Variants in WAC observed in about 807,000 individuals in gnomAD.
The protein encoded by WAC is WW domain-containing adapter protein with coiled-coil.
Under a neutral mutation model 79.6 loss-of-function variants are expected in WAC, and 11 were observed. The observed-to-expected ratio is 0.14, with a 90% CI of 0.09 to 0.23. The LOEUF (loss-of-function observed/expected upper bound fraction) is 0.23, where lower values mean the gene tolerates loss of function less well. Ranked by LOEUF, WAC falls within the 10% of genes least tolerant of loss-of-function variation. WAC has a pLI of 1.00. For missense variants in WAC, 728 were observed against 773.5 expected, an observed-to-expected ratio of 0.94 and a Z score of 0.70; for synonymous variants, 304 against 276.9, an observed-to-expected ratio of 1.10 and a Z score of -0.97.
At chr10:28,584,489 G>A (rs1347715181) in intron 4 of WAC, among the ~76,000 whole-genome samples, 1 of 152,162 alleles carries the variant, frequency 6.6e-6, no homozygotes, top group Admixed American at 6.5e-5. Context: ...ATATAAGGCA[G>A]TGGAGAGGTA....
intron 7 of WAC, among the ~76,000 whole-genome samples, chr10:28,603,975 A>G (rs1169628496): frequency 1.0e-5 from 1 of 95,476 alleles, no homozygotes; most frequent in African/African-American, 4.7e-5. Context: ...ATATATATAT[A>G]TATATATATA....
At chr10:28,584,973 C>CAGG (rs1324031386) in intron 4 of WAC, among the ~76,000 whole-genome samples, 1 of 152,030 alleles carries the variant, frequency 6.6e-6, no homozygotes, top group Non-Finnish European at 1.5e-5. Flanking sequence ...GAGGCTGAGG[C>CAGG]AGGAGAATTA....
chr10:28,608,698 G>A (rs1841079041), intron 8 of WAC: 1 of 394,978 alleles, frequency 2.5e-6, no homozygotes. Context: ...CTGGAGGTAA[G>A]CCATTCTATA....
At chr10:28,604,425 A>G (rs777092369) in intron 7 of WAC, among the ~76,000 whole-genome samples, 1 of 151,930 alleles carries the variant, frequency 6.6e-6, no homozygotes, top group Non-Finnish European at 1.5e-5. Flanking sequence ...GTTTTCTACA[A>G]GGGCTACAGA....
In WAC at chr10:28,614,699, G is replaced by T. The variant is rs1328977555; in HGVS notation, c.1556+14G>T. On this transcript the variant is annotated intron_variant, in intron 11 of 13. Coordinates refer to ENST00000354911, the MANE Select transcript of WAC (RefSeq NM_016628.5). ...TCAGCGCTCAAGGTAGGTTGATATT[G>T]TATATTGAGACCACATTGTTTTATT... 6.3e-7 allele frequency: 1 copy of T among 1,579,824 alleles called. No individual in the cohort carries two copies.
intron 3 of WAC, among the ~76,000 whole-genome samples, chr10:28,557,328 A>G (rs570759861): frequency 1.1e-3 from 169 of 152,340 alleles, no homozygotes; most frequent in Middle Eastern, 6.8e-3. Flanking sequence ...AACTGTCAAT[A>G]TTATACAGTG....
chr10:28,595,420 ATTT>A (rs34089783), intron 6 of WAC, among the ~76,000 whole-genome samples: 20 of 149,150 alleles, frequency 1.3e-4, no homozygotes, highest in Non-Finnish European at 2.4e-4. Context: ...CCATATGTTG[ATTT>A]TTTTTTTTTG....
intron 3 of WAC, among the ~76,000 whole-genome samples, chr10:28,564,749 G>A (rs1838502007): frequency 6.6e-6 from 1 of 152,188 alleles, no homozygotes; most frequent in Admixed American, 6.5e-5. Context: ...CATCCAGTTT[G>A]CCACAATGGC....
intron 3 of WAC, among the ~76,000 whole-genome samples, chr10:28,548,724 A>G (rs746531299): frequency 1.8e-4 from 27 of 152,168 alleles, no homozygotes; most frequent in African/African-American, 6.5e-4. Flanking sequence ...ATAGTTGTCT[A>G]TTCATGTTTG....
chr10:28,588,746 A>G (rs1263373975), intron 4 of WAC: 4 of 152,120 alleles, frequency 2.6e-5, no homozygotes, highest in Non-Finnish European at 4.4e-5. Context: ...ATTTTTCTAA[A>G]TTGACAATTC....
chr10:28,579,174 A>AT (rs5784074), intron 3 of WAC, among the ~76,000 whole-genome samples: 5,709 of 143,832 alleles, frequency 0.04, 146 homozygotes, highest in East Asian at 0.15. Context: ...GGGTAGATGA[A>AT]TTTTTTTTTT....
chr10:28,533,880 C>T (rs1836444681), intron 1 of WAC, 118 bp from the exon 2 acceptor site: 4 of 1,307,556 alleles, frequency 3.1e-6, no homozygotes, highest in Admixed American at 4.0e-5. Context: ...CGGGGCTCGG[C>T]GCTGGGGCGC....
intron 3 of WAC, among the ~76,000 whole-genome samples, chr10:28,563,744 CTTTTTTTTT>C (rs71281550): frequency 0.026 from 1,780 of 67,830 alleles, 22 homozygotes; most frequent in African/African-American, 0.099. Flanking sequence ...CTACACCCAG[CTTTTTTTTT>C]TTTTTTTTTT....
rs778409484 is a variant in WAC, at chr10:28,616,188, A to G, written c.1572A>G (p.Pro524=). The G allele has an allele frequency of 3.7e-6, 6 of 1,600,988 alleles. No homozygotes were observed. Among genetic ancestry groups the G allele is most frequent in the Non-Finnish European group, 5.1e-6 (6 of 1,171,606 alleles). Residue 524 remains proline (P), a synonymous_variant, in exon 12 of 14, where the codon CCA becomes CCG. Transcript: ENST00000354911. ...SLQRSSSQRS[P]SPGPNHTSNS... The stretch of plus-strand genomic sequence containing the variant: ...TGTTTTCTAGTAGCCAGAGAAGTCC[A>G]TCACCTGGTCCCAATCATACTTCTA...
rs1841623402 is a variant in WAC at position 28,619,664 on chromosome 10, C to A, written c.*58C>A. Reference sequence around the variant, plus strand: ...AGGAACTGTAAATCTGTTGCCCAATCTTAACATTTTTGAGCTGCATTTAAG... The same window carrying A: ...AGGAACTGTAAATCTGTTGCCCAATATTAACATTTTTGAGCTGCATTTAAG... On this transcript the variant is annotated 3_prime_UTR_variant, in exon 14 of 14. Coordinates refer to ENST00000354911, the MANE Select transcript of WAC (RefSeq NM_016628.5). 7.0e-7 allele frequency: 1 copy of A among 1,437,336 alleles called. No individual in the cohort carries two copies. 89.0% of individuals were successfully genotyped at this position (1,437,336 alleles called of 1,614,324 possible).
chr10:28,571,842 G>A (rs559563611), intron 3 of WAC, among the ~76,000 whole-genome samples: 3 of 152,102 alleles, frequency 2.0e-5, no homozygotes, highest in African/African-American at 7.2e-5. Flanking sequence ...CAGTCAGCTT[G>A]GAAAAGGGAT....
intron 3 of WAC, among the ~76,000 whole-genome samples, chr10:28,574,820 G>A (rs1315156366): frequency 6.6e-6 from 1 of 152,124 alleles, no homozygotes; most frequent in African/African-American, 2.4e-5. Context: ...GTACCTAGGC[G>A]TGGGATTGCT....
chr10:28,609,812 T>C (rs2132818774), intron 8 of WAC, among the ~76,000 whole-genome samples: 1 of 152,258 alleles, frequency 6.6e-6, no homozygotes, highest in Middle Eastern at 3.4e-3. Flanking sequence ...AGGTGAAGGC[T>C]ATGGTAAGCT....
At chr10:28,615,608 T>A (rs1056174873) in intron 11 of WAC, 4 of 152,220 alleles carry the variant, frequency 2.6e-5, no homozygotes, top group Non-Finnish European at 4.4e-5. Context: ...AATTTTTTGG[T>A]TCTCACCACC....
Sources: allele counts gnomAD v4.1 joint callset (sites outside exome capture counted in the v4.1 genomes callset), GRCh38; gene constraint gnomAD v4.1.1; transcripts MANE v1.5; gene names NCBI Gene and HGNC (gene_info 2026-07-23, HGNC 2026-07-21).